The following TPM4 variants were observed in gnomAD, a reference collection of about 807,000 sequenced individuals.
TPM4 encodes the protein tropomyosin alpha-4 chain.
A neutral mutation model predicts 35.8 loss-of-function variants in TPM4; 17 were observed. The ratio of observed to expected loss-of-function variants is 0.47; its 90% CI spans 0.32 to 0.71. TPM4 has a LOEUF of 0.71. Among genes scored for constraint, TPM4 ranks in the 30% least tolerant of loss-of-function variants. The pLI is 0.03. For synonymous variants in TPM4, 120 were observed against 122.9 expected (o/e 0.98, Z 0.15); for missense variants, 240 against 320.9 (o/e 0.75, Z 1.93).
At chr19:16,101,170 CAAG>C (rs1190856404) in intron 7 of TPM4, 91 bp from the exon 8 acceptor site, 3 of 1,112,364 alleles carry the variant, frequency 2.7e-6, no homozygotes, top group Admixed American at 3.1e-5. Flanking sequence ...GACCCTGTCT[CAAG>C]AAGAAGAAAA....
chr19:16,082,458 C>T (rs1486368875), intron 2 of TPM4, among the ~76,000 whole-genome samples: 4 of 152,134 alleles, frequency 2.6e-5, no homozygotes, highest in Non-Finnish European at 5.9e-5. Context: ...CTGCAGTGAG[C>T]CGAGATCGTG....
At chr19:16,076,005 C>CCA (rs10633690), upstream of TPM4, 508,527 of 1,486,762 alleles carry the variant, frequency 0.34, 87,080 homozygotes, top group East Asian at 0.47. Flanking sequence ...GGGACGTGAC[C>CCA]CCCCCCCCAG....
intron 2 of TPM4, among the ~76,000 whole-genome samples, chr19:16,068,336 C>G (rs541709150): frequency 3.1e-4 from 47 of 152,190 alleles, no homozygotes; most frequent in African/African-American, 1.1e-3. Context: ...ACCATCACAC[C>G]CGGCTAATTT....
chr19:16,094,723 G>T (rs2090673144), intron 7 of TPM4, among the ~76,000 whole-genome samples: 1 of 151,348 alleles, frequency 6.6e-6, no homozygotes, highest in Admixed American at 6.6e-5. Context: ...TAGTCTGCAA[G>T]TCTGGGGCCC....
Position 16,070,973 on chromosome 19 carries a change from T to C in TPM4, c.114+3235T>C, listed in dbSNP as rs1340941124. Among the ~76,000 whole-genome samples, 3 of 152,128 alleles carry C rather than the reference T, an allele frequency of 2.0e-5. No individual in the cohort carries two copies. Among genetic ancestry groups the C allele is most frequent in the Non-Finnish European group, 4.4e-5 (3 of 68,008 alleles). ...GAGAGAAACAAGTTTATAGCACTAATTCTTACTAAGGTGTGAGTGGCTATC... is the reference window on the plus strand; with the variant it reads ...GAGAGAAACAAGTTTATAGCACTAACTCTTACTAAGGTGTGAGTGGCTATC... On this transcript the variant is annotated intron_variant, in intron 2 of 2. Transcript: ENST00000589897. This position sits in a 1 kb window ranked among gnomAD's most constrained non-coding sequence, Gnocchi z 7.4.
At chr19:16,078,683 G>A (rs1177735837) in intron 1 of TPM4, among the ~76,000 whole-genome samples, 2 of 152,160 alleles carry the variant, frequency 1.3e-5, no homozygotes, top group Non-Finnish European at 2.9e-5. Context: ...GAGCAAGACC[G>A]TCTAGTTGGG....
chr19:16,090,960 G>C (rs1202547783), intron 5 of TPM4, among the ~76,000 whole-genome samples: 1 of 151,510 alleles, frequency 6.6e-6, no homozygotes, highest in East Asian at 2.0e-4. Flanking sequence ...TCTGATACTA[G>C]GATGTGTAAG....
At chr19:16,083,544 G>C (rs1599370784) in intron 2 of TPM4, among the ~76,000 whole-genome samples, 1 of 151,778 alleles carries the variant, frequency 6.6e-6, no homozygotes, top group African/African-American at 2.4e-5. Flanking sequence ...ATCATTCTCT[G>C]GCACGCCTTG....
chr19:16,072,073 G>A (rs551437822), upstream of TPM4, among the ~76,000 whole-genome samples: 13 of 152,352 alleles, frequency 8.5e-5, no homozygotes, highest in Non-Finnish European at 1.5e-4. Context: ...GCCCGCCTCG[G>A]CCTCCCGTAG....
chr19:16,076,637 G>T lies in TPM4; in HGVS notation c.72G>T (p.Ala24=). 6.9e-7 allele frequency: 1 copy of T among 1,454,498 alleles called. No individual in the cohort carries two copies. The highest frequency in any genetic ancestry group is 9.0e-7 in the Non-Finnish European group (1 of 1,109,024). 90.1% of individuals were successfully genotyped at this position (1,454,498 alleles called of 1,614,324 possible). ...IQALQQQADE[A]EDRAQGLQRE... ...CCCTGCAGCAGCAGGCGGACGAGGC[G>T]GAAGACCGCGCGCAGGGCCTGCAGC... The change falls in exon 1 of 8, where the codon GCG becomes GCT. Residue 24 remains alanine, a synonymous_variant. Coordinates refer to ENST00000643579, the MANE Select transcript of TPM4 (RefSeq NM_003290.3).
chr19:16,082,882 C>T (rs1381359673), intron 2 of TPM4, among the ~76,000 whole-genome samples: 1 of 150,588 alleles, frequency 6.6e-6, no homozygotes. Flanking sequence ...CTCCTGGCTA[C>T]TCAAGAGGCT....
chr19:16,083,669 A>C (rs2090513090), intron 2 of TPM4, among the ~76,000 whole-genome samples: 1 of 144,252 alleles, frequency 6.9e-6, no homozygotes, highest in South Asian at 2.1e-4. Flanking sequence ...ACCAGTGATC[A>C]TCGCGTCTGC....
rs565025546 is a variant in TPM4 at position 16,084,678 on chromosome 19, C to A, written c.267-1745C>A. ...ATCTAGAGTCAGCTTCTACCACTGG[C>A]ACTTTCTATGGAGCCTTAGGCAAGT... On this transcript the variant is annotated intron_variant, in intron 2 of 7. Coordinates refer to ENST00000643579, the MANE Select transcript of TPM4 (RefSeq NM_003290.3). 3.3e-5 allele frequency among the ~76,000 whole-genome samples: 5 copies of A among 152,284 alleles called. No homozygotes were observed. The South Asian group carries it at 1.0e-3, about 32-fold the overall frequency.
intron 2 of TPM4, among the ~76,000 whole-genome samples, chr19:16,082,301 G>A (rs149531584): frequency 0.021 from 3,237 of 152,248 alleles, 125 homozygotes; most frequent in African/African-American, 0.074. Context: ...CTGAGGTTGG[G>A]AGTTTGAGAC....
chr19:16,076,006 C>CAG, upstream of TPM4: 4 of 1,482,878 alleles, frequency 2.7e-6, no homozygotes, highest in Non-Finnish European at 3.6e-6. Flanking sequence ...GGACGTGACC[C>CAG]CCCCCCCAGG....
chr19:16,073,874 C>T (rs1235219551), upstream of TPM4, among the ~76,000 whole-genome samples: 1 of 128,996 alleles, frequency 7.8e-6, no homozygotes, highest in Non-Finnish European at 1.6e-5. Context: ...CCGAGGAGGT[C>T]AAGGCTGCAG....
Position 16,091,883 on chromosome 19 carries a change from T to C in TPM4, c.532-1653T>C, listed in dbSNP as rs568305998. Among the ~76,000 whole-genome samples the C allele has an allele frequency of 1.5e-4, 23 of 152,228 alleles. 1 individual carries two copies. Among genetic ancestry groups the C allele is most frequent in the African/African-American group, 5.3e-4 (22 of 41,550 alleles). On this transcript the variant is annotated intron_variant, in intron 5 of 7. Transcript: ENST00000643579. ...CCAGGCTGTGATGCCATTAACTATG[T>C]CTGGCCCATGGTAAGCAGCTAATAA...
At chr19:16,076,721 C>T in intron 1 of TPM4, 24 bp downstream of exon 1, 6 of 1,316,046 alleles carry the variant, frequency 4.6e-6, no homozygotes, top group South Asian at 1.9e-5. Flanking sequence ...CCTCGGGCCC[C>T]GCACCCGCAG....
In TPM4 at chr19:16,067,715, G is replaced by A. The variant is rs760351063; in HGVS notation, c.91G>A (p.Ala31Thr). 12 of 1,613,106 alleles carry A rather than the reference G, an allele frequency of 7.4e-6. No individual in the cohort carries two copies. The highest frequency in any genetic ancestry group is 1.0e-5 in the Non-Finnish European group (12 of 1,179,814). ...GGAGCAGGCGGAGGCGGATAAGAAAGCCGCTGAGGACAAGTGCAAGCAGGT... is the reference window on the plus strand; with the variant it reads ...GGAGCAGGCGGAGGCGGATAAGAAAACCGCTGAGGACAAGTGCAAGCAGGT... Residue 31 changes from alanine to threonine, a missense_variant, in exon 2 of 3, where the codon GCC (alanine) becomes ACC (threonine). Coordinates refer to the TPM4 transcript ENST00000589897. The surrounding 1 kb of genome is among the most constrained non-coding windows in gnomAD (Gnocchi z 4.1).
Sources: gnomAD v4.1 joint callset for allele counts (sites outside exome capture counted in the v4.1 genomes callset) on GRCh38, gnomAD v4.1.1 for gene constraint, Gnocchi (gnomAD v3.1) non-coding constraint, MANE v1.5 for transcripts, NCBI Gene and HGNC (gene_info 2026-07-23, HGNC 2026-07-21) for gene names.